PM20D2: variants seen among roughly 807,000 people sequenced by gnomAD.
The protein encoded by PM20D2 is xaa-Arg dipeptidase.
PM20D2 carries 33 observed loss-of-function variants against 42.9 expected under a neutral mutation model. The observed-to-expected ratio is 0.77, with a 90% confidence interval of 0.58 to 1.03. The LOEUF (loss-of-function observed/expected upper bound fraction) is 1.03. Ranked by LOEUF, PM20D2 falls within the 50% of genes least tolerant of loss-of-function variation. The pLI is 0.00. For synonymous variants in PM20D2, 250 were observed against 228.2 expected (o/e 1.10, Z -0.86); for missense variants, 548 against 557.0 (o/e 0.98, Z 0.16).
At position 89,163,589 on chromosome 6, in the gene PM20D2, C is replaced by T. The variant is rs985992080; in HGVS notation, c.*1326C>T. On this transcript the variant is annotated 3_prime_UTR_variant, in exon 7 of 7. Transcript: ENST00000275072. Reference sequence around the variant, plus strand: ...CGAACTCCTGGACTCAAGCAGTCCTCCCACCTCAGCCTCCTAAAGCACTGG... The same window carrying T: ...CGAACTCCTGGACTCAAGCAGTCCTTCCACCTCAGCCTCCTAAAGCACTGG... 2 of 152,310 alleles carry T rather than the reference C, an allele frequency of 1.3e-5. No individual in the cohort carries two copies. The highest frequency in any genetic ancestry group is 2.4e-5 in the African/African-American group (1 of 41,432). 9.4% of individuals were successfully genotyped at this position (152,310 alleles called of 1,614,324 possible). A position where few individuals can be genotyped will look rare whatever the true frequency, so the allele number is the denominator to read the frequency against.
chr6:89,146,681 C>CT, intron 1 of PM20D2, 72 bp downstream of exon 1: 1 of 1,232,994 alleles, frequency 8.1e-7, no homozygotes, highest in Non-Finnish European at 1.1e-6. Flanking sequence ...GGGCGGGACT[C>CT]TCGTGCGTCC....
chr6:89,099,445 T>TATATGTGTGTATATATATACAC, the PM20D2 span, among the ~76,000 whole-genome samples: 9 of 91,332 alleles, frequency 9.9e-5, no homozygotes, highest in Non-Finnish European at 2.0e-4. Flanking sequence ...TATATACACA[T>TATATGTGTGTATATATATACAC]ATATATGTGT....
chr6:89,155,361 G>T (rs891562311), intron 4 of PM20D2, among the ~76,000 whole-genome samples: 1 of 125,780 alleles, frequency 8.0e-6, no homozygotes, highest in East Asian at 2.8e-4. Flanking sequence ...TACAACCTCC[G>T]CCTTCCAGGC....
At chr6:89,105,167 C>T in the PM20D2 span, 1 of 1,612,486 alleles carries the variant, frequency 6.2e-7, no homozygotes, top group African/African-American at 1.3e-5. Flanking sequence ...TGAAGAACTT[C>T]TACTTCGAGT....
At chr6:89,106,899 C>T in the PM20D2 span, 1 of 516,400 alleles carries the variant, frequency 1.9e-6, no homozygotes, top group Non-Finnish European at 3.7e-6. Flanking sequence ...CACCCTCCCT[C>T]TTTACTCCTT....
Position 89,161,783 on chromosome 6 carries a change from G to A in PM20D2, c.1049G>A (p.Gly350Glu). The A allele has an allele frequency of 6.3e-7, 1 of 1,598,570 alleles. No homozygotes were observed. The highest frequency in any genetic ancestry group is 8.6e-7 in the Non-Finnish European group (1 of 1,165,772). ...SEDTMLNGPS[G>E]STDFGNVSFV... ...TTTTCTTAACTTTGTGTGTTCCAAGGATCTACGGATTTTGGAAATGTTAGT... is the reference window on the plus strand; with the variant it reads ...TTTTCTTAACTTTGTGTGTTCCAAGAATCTACGGATTTTGGAAATGTTAGT... The change falls in exon 6 of 7, where the codon GGA (glycine) becomes GAA (glutamate). Residue 350 changes from glycine (G) to glutamate (E), a missense_variant and splice_region_variant. Physicochemically the swap from Gly to Glu is moderately conservative, Grantham distance 98. This residue lies in a region of PM20D2 where 470 missense variants were observed against 464.4 expected (regional missense o/e 1.01). Coordinates refer to ENST00000275072, the MANE Select transcript of PM20D2 (RefSeq NM_001010853.3).
chr6:89,105,132 C>T, the PM20D2 span: 1 of 1,612,098 alleles, frequency 6.2e-7, no homozygotes, highest in Non-Finnish European at 8.5e-7. Context: ...TTAAGGCTGT[C>T]TGACCGCCTC....
chr6:89,113,747 G>A, the PM20D2 span, among the ~76,000 whole-genome samples: 2 of 152,084 alleles, frequency 1.3e-5, no homozygotes, highest in Admixed American at 1.3e-4. Flanking sequence ...GGGCTCAGGC[G>A]ATCCTCCCAC....
chr6:89,130,686 C>T, the PM20D2 span, among the ~76,000 whole-genome samples: 1 of 151,906 alleles, frequency 6.6e-6, no homozygotes, highest in Admixed American at 6.6e-5. Flanking sequence ...TCTCAAACTC[C>T]TGAGCTTAAG....
chr6:89,109,836 A>G, the PM20D2 span, among the ~76,000 whole-genome samples: 2 of 152,210 alleles, frequency 1.3e-5, no homozygotes, highest in Non-Finnish European at 2.9e-5. Flanking sequence ...TCACGCTTGT[A>G]ATCCCAGCAC....
At chr6:89,118,002 C>T in the PM20D2 span, 27 of 1,155,250 alleles carry the variant, frequency 2.3e-5, no homozygotes, top group Middle Eastern at 2.7e-4. Context: ...ACCCCCACCC[C>T]TCGGCCTCAG....
At chr6:89,127,366 C>T in the PM20D2 span, among the ~76,000 whole-genome samples, 1 of 147,454 alleles carries the variant, frequency 6.8e-6, no homozygotes, top group African/African-American at 2.5e-5. Flanking sequence ...GTGTCACTCT[C>T]TTGCCCAGGC....
the PM20D2 span, among the ~76,000 whole-genome samples, chr6:89,102,786 C>T: frequency 6.6e-6 from 1 of 152,090 alleles, no homozygotes; most frequent in Admixed American, 6.6e-5. Flanking sequence ...GAGTCTTCCT[C>T]TGTTGCCCAG....
In PM20D2 at chr6:89,158,850, CAGCT is replaced by C. The variant is rs1014954657; in HGVS notation, c.1048+393_1048+396del. 5.3e-4 allele frequency among the ~76,000 whole-genome samples: 81 copies of C among 152,260 alleles called. 1 individual carries two copies. The highest frequency in any genetic ancestry group is 1.9e-3 in the African/African-American group (79 of 41,546). On this transcript the variant is annotated intron_variant, in intron 5 of 6. Coordinates refer to ENST00000275072, the MANE Select transcript of PM20D2 (RefSeq NM_001010853.3). ...TTTTCAGTTTCTGAGGAGCAACAGACAGCTAGAATTGAAATAAGCATATTTGGGG... is the reference window on the plus strand; with the variant it reads ...TTTTCAGTTTCTGAGGAGCAACAGACAGAATTGAAATAAGCATATTTGGGG...
At chr6:89,126,685 A>AAAAAAAAT in the PM20D2 span, among the ~76,000 whole-genome samples, 1 of 151,424 alleles carries the variant, frequency 6.6e-6, no homozygotes, top group African/African-American at 2.4e-5. Flanking sequence ...AAAAAAAAAA[A>AAAAAAAAT]AAAGGAGTTA....
the PM20D2 span, among the ~76,000 whole-genome samples, chr6:89,113,815 G>A: frequency 6.6e-6 from 1 of 151,950 alleles, no homozygotes; most frequent in Non-Finnish European, 1.5e-5. Context: ...GCTAATTTTT[G>A]TATTTTTTGG....
At chr6:89,123,818 T>G in the PM20D2 span, among the ~76,000 whole-genome samples, 8 of 148,834 alleles carry the variant, frequency 5.4e-5, no homozygotes, top group African/African-American at 2.0e-4. Flanking sequence ...GGCAGGATGA[T>G]TGAGGCCAGG....
chr6:89,098,374 A>T, the PM20D2 span: 1 of 533,910 alleles, frequency 1.9e-6, no homozygotes, highest in Non-Finnish European at 3.1e-6. Flanking sequence ...TGGTGACATT[A>T]GACAAATCAT....
chr6:89,147,352 AG>A, intron 1 of PM20D2, among the ~76,000 whole-genome samples: 1 of 152,336 alleles, frequency 6.6e-6, no homozygotes, highest in East Asian at 1.9e-4. Flanking sequence ...CATTCAGTTA[AG>A]GGGAAAACAA....
Sources: allele counts gnomAD v4.1 joint callset (sites outside exome capture counted in the v4.1 genomes callset), GRCh38; gene constraint gnomAD v4.1.1; regional missense constraint gnomAD v4.1.1; transcripts MANE v1.5; gene names NCBI Gene and HGNC (gene_info 2026-07-23, HGNC 2026-07-21).